CHRM3: variants seen among roughly 807,000 people sequenced by gnomAD.
The protein encoded by CHRM3 is cholinergic receptor muscarinic 3.
CHRM3 carries 11 observed loss-of-function variants against 41.8 expected under a neutral mutation model. The ratio of observed to expected loss-of-function variants is 0.26; its 90% CI spans 0.17 to 0.44. The LOEUF is 0.44. CHRM3 is among the 20% of genes least tolerant of loss of function. The pLI, the probability that CHRM3 is intolerant of heterozygous loss-of-function variation, is 1.00. For missense variants in CHRM3, 571 were observed against 745.4 expected, an observed-to-expected ratio of 0.77 and a Z score of 2.72; for synonymous variants, 297 against 301.4, an observed-to-expected ratio of 0.99 and a Z score of 0.15.
At chr1:239,565,910 CTT>C (rs796838831) in intron 3 of CHRM3, among the ~76,000 whole-genome samples, 9 of 117,440 alleles carry the variant, frequency 7.7e-5, no homozygotes, top group Admixed American at 3.5e-4. Context: ...CATCTTTTTT[CTT>C]TTTTTTTTTT....
intron 1 of CHRM3, among the ~76,000 whole-genome samples, chr1:239,446,081 T>C (rs934423340): frequency 7.9e-5 from 12 of 152,006 alleles, no homozygotes; most frequent in Non-Finnish European, 1.3e-4. Flanking sequence ...GAACTACAGG[T>C]GTGCACCACC....
intron 1 of CHRM3, among the ~76,000 whole-genome samples, chr1:239,473,847 TAC>T (rs999869851): frequency 6.6e-6 from 1 of 150,908 alleles, no homozygotes; most frequent in African/African-American, 2.4e-5. Flanking sequence ...TATTTCTGTA[TAC>T]ACAGAGTTGT....
intron 3 of CHRM3, among the ~76,000 whole-genome samples, chr1:239,557,928 A>T (rs2148475544): frequency 6.6e-6 from 1 of 152,300 alleles, no homozygotes; most frequent in South Asian, 2.1e-4. Context: ...TATTGTGAAT[A>T]GTGCTGCAAA....
At chr1:239,462,684 A>G (rs1475098190) in intron 1 of CHRM3, among the ~76,000 whole-genome samples, 2 of 152,206 alleles carry the variant, frequency 1.3e-5, no homozygotes, top group Non-Finnish European at 2.9e-5. Flanking sequence ...AAAGTCTTAG[A>G]TTTACTTTTT....
In CHRM3 at chr1:239,589,595, A is replaced by T. The variant is rs1663853577; in HGVS notation, c.-312-42629A>T. On this transcript the variant is annotated intron_variant, in intron 3 of 6. Coordinates refer to ENST00000676153, the MANE Select transcript of CHRM3 (RefSeq NM_001375978.1). ...TTCATGAACAGTGCTTGCAATTAGC[A>T]CCTATATATATTTATGTAATTTCCA... 2.1e-5 allele frequency among the ~76,000 whole-genome samples: 3 copies of T among 145,592 alleles called. No individual in the cohort carries two copies. The South Asian group carries it at 6.5e-4, about 31-fold the overall frequency.
intron 5 of CHRM3, among the ~76,000 whole-genome samples, chr1:239,755,501 C>T (rs1329473799): frequency 1.3e-5 from 2 of 152,086 alleles, no homozygotes; most frequent in African/African-American, 2.4e-5. Context: ...TTTTCTAGCT[C>T]ACAACAGAAA....
chr1:239,887,219 G>T (rs1158024165), intron 6 of CHRM3, among the ~76,000 whole-genome samples: 1 of 151,786 alleles, frequency 6.6e-6, no homozygotes, highest in Non-Finnish European at 1.5e-5. Context: ...TTTGGCGGGG[G>T]TATACAGAGT....
chr1:239,393,201 C>T (rs1659191856), intron 1 of CHRM3, among the ~76,000 whole-genome samples: 1 of 152,062 alleles, frequency 6.6e-6, no homozygotes, highest in Admixed American at 6.6e-5. Context: ...AAGAAGATCC[C>T]ATATAAATAT....
chr1:239,408,103 T>A (rs776289530), intron 1 of CHRM3: 4 of 152,036 alleles, frequency 2.6e-5, no homozygotes, highest in Non-Finnish European at 4.4e-5. Context: ...ATGGGGGTGG[T>A]TACCTCCATG....
At chr1:239,795,744 C>A (rs1469083607) in intron 5 of CHRM3, among the ~76,000 whole-genome samples, 1 of 152,154 alleles carries the variant, frequency 6.6e-6, no homozygotes, top group Non-Finnish European at 1.5e-5. Context: ...ATAATTTTTA[C>A]TGGAAGTTGA....
intron 3 of CHRM3, among the ~76,000 whole-genome samples, chr1:239,574,796 C>CTTCT (rs1662171724): frequency 6.6e-6 from 1 of 151,846 alleles, no homozygotes. Context: ...TTTTCTTCCT[C>CTTCT]TTCTTTCTTT....
chr1:239,878,818 G>T (rs767531889), intron 6 of CHRM3, among the ~76,000 whole-genome samples: 1 of 152,016 alleles, frequency 6.6e-6, no homozygotes, highest in Non-Finnish European at 1.5e-5. Flanking sequence ...TCATTGCCAC[G>T]TGAGGGTACA....
chr1:239,852,127 T>C (rs1374647008), intron 6 of CHRM3, among the ~76,000 whole-genome samples: 4 of 152,166 alleles, frequency 2.6e-5, no homozygotes, highest in African/African-American at 7.2e-5. Context: ...CTTCTATTTG[T>C]ATTTACACTG....
At chr1:239,515,062 T>G (rs2148223214) in intron 2 of CHRM3, among the ~76,000 whole-genome samples, 1 of 152,248 alleles carries the variant, frequency 6.6e-6, no homozygotes, top group Middle Eastern at 3.4e-3. Context: ...AACAGAAATA[T>G]AAGTAGAGTG....
intron 6 of CHRM3, among the ~76,000 whole-genome samples, chr1:239,881,895 C>T (rs1003892652): frequency 6.6e-6 from 1 of 150,916 alleles, no homozygotes; most frequent in Non-Finnish European, 1.5e-5. Context: ...AACTCATTAC[C>T]TTCAATGTAT....
At chr1:239,441,658 T>C (rs1209515956) in intron 1 of CHRM3, among the ~76,000 whole-genome samples, 1 of 152,210 alleles carries the variant, frequency 6.6e-6, no homozygotes, top group Non-Finnish European at 1.5e-5. Flanking sequence ...GTTAACTCAT[T>C]TCTGACCTGT....
chr1:239,711,985 C>T (rs540270780), intron 5 of CHRM3, among the ~76,000 whole-genome samples: 2 of 152,268 alleles, frequency 1.3e-5, no homozygotes, highest in South Asian at 4.1e-4. Context: ...CAGAGCCCAT[C>T]CCCCCAGGCT....
At chr1:239,604,527 A>T (rs1666007659) in intron 3 of CHRM3, among the ~76,000 whole-genome samples, 2 of 152,158 alleles carry the variant, frequency 1.3e-5, no homozygotes, top group Non-Finnish European at 2.9e-5. Context: ...CTTCTCTGAG[A>T]TTTACGTCCA....
intron 3 of CHRM3, among the ~76,000 whole-genome samples, chr1:239,561,922 T>C (rs552286785): frequency 5.3e-5 from 8 of 152,118 alleles, no homozygotes; most frequent in African/African-American, 1.9e-4. Flanking sequence ...AATTTTTAGG[T>C]TTTTGCCTTA....
Sources: gnomAD v4.1 joint callset for allele counts (sites outside exome capture counted in the v4.1 genomes callset) on GRCh38, gnomAD v4.1.1 for gene constraint, MANE v1.5 for transcripts, NCBI Gene and HGNC (gene_info 2026-07-23, HGNC 2026-07-21) for gene names.